The following PDE4B variants were observed in gnomAD, a reference collection of about 807,000 sequenced individuals.
PDE4B encodes 3',5'-cyclic-AMP phosphodiesterase 4B.
A neutral mutation model predicts 82.2 loss-of-function variants in PDE4B; 20 were observed. The ratio of observed to expected loss-of-function variants is 0.24; its 90% CI spans 0.17 to 0.35. The LOEUF (loss-of-function observed/expected upper bound fraction) is 0.35, where lower values mean the gene tolerates loss of function less well. Ranked by LOEUF, PDE4B falls within the 10% of genes least tolerant of loss-of-function variation. The probability of loss-of-function intolerance (pLI) is 1.00; values close to 1 mark genes in which losing one functional copy is unlikely to be tolerated. For missense variants in PDE4B, 655 were observed against 907.2 expected, an observed-to-expected ratio of 0.72 and a Z score of 3.57; for synonymous variants, 320 against 318.9, an observed-to-expected ratio of 1.00 and a Z score of -0.04.
chr1:66,124,665 C>T (rs553648743), intron 3 of PDE4B, among the ~76,000 whole-genome samples: 12 of 152,230 alleles, frequency 7.9e-5, no homozygotes, highest in African/African-American at 2.9e-4. Flanking sequence ...AGATAGAGCT[C>T]ACTGAAGGTA....
intron 3 of PDE4B, among the ~76,000 whole-genome samples, chr1:65,942,898 T>A (rs1051027426): frequency 2.0e-5 from 3 of 152,042 alleles, no homozygotes; most frequent in African/African-American, 7.2e-5. Context: ...TCCTTATATA[T>A]TTTGGCTATT....
chr1:65,973,124 A>C (rs1357545230), intron 3 of PDE4B, among the ~76,000 whole-genome samples: 1 of 152,152 alleles, frequency 6.6e-6, no homozygotes, highest in African/African-American at 2.4e-5. Flanking sequence ...ATTTCCATTG[A>C]TTGGGAAGAC....
rs201956732 is a variant in PDE4B at position 66,361,799 on chromosome 1, T to G, written c.1020+6T>G. Reference sequence around the variant, plus strand: ...ATGAAGATCACCTGGCCAAGGTGTGTATAAGCTCAGGTTTTGTGCATGTAG... The same window carrying G: ...ATGAAGATCACCTGGCCAAGGTGTGGATAAGCTCAGGTTTTGTGCATGTAG... On this transcript the variant is annotated splice_donor_region_variant and intron_variant, in intron 10 of 16. Transcript: ENST00000341517. 1.2e-6 allele frequency: 2 copies of G among 1,605,812 alleles called. No homozygotes were observed. Among genetic ancestry groups the G allele is most frequent in the East Asian group, 2.2e-5 (1 of 44,754 alleles).
intron 3 of PDE4B, among the ~76,000 whole-genome samples, chr1:66,072,941 TAAAC>T (rs1656228108): frequency 1.3e-5 from 2 of 151,452 alleles, no homozygotes; most frequent in South Asian, 2.1e-4. Context: ...GGAGGTGAAG[TAAAC>T]AAACAAAATT....
chr1:65,970,264 G>C (rs1052414422), intron 3 of PDE4B, among the ~76,000 whole-genome samples: 1 of 149,956 alleles, frequency 6.7e-6, no homozygotes, highest in South Asian at 2.1e-4. Flanking sequence ...AAGGTTGTAC[G>C]GTTCTATTCT....
intron 3 of PDE4B, among the ~76,000 whole-genome samples, chr1:66,036,893 G>T (rs765818388): frequency 6.6e-5 from 10 of 151,924 alleles, no homozygotes; most frequent in Non-Finnish European, 1.2e-4. Context: ...CCAACACTTT[G>T]GGGGGCCAAC....
intron 3 of PDE4B, among the ~76,000 whole-genome samples, chr1:65,942,658 G>A (rs1648507435): frequency 6.6e-6 from 1 of 151,980 alleles, no homozygotes; most frequent in South Asian, 2.1e-4. Context: ...CTGTAAAAGG[G>A]TTTCTTTTTC....
chr1:66,131,771 G>T (rs1645956287), intron 3 of PDE4B, among the ~76,000 whole-genome samples: 1 of 151,484 alleles, frequency 6.6e-6, no homozygotes, highest in Non-Finnish European at 1.5e-5. Flanking sequence ...ATAGAACAAT[G>T]AATGAGAAAC....
At chr1:66,040,047 C>G (rs987544650) in intron 3 of PDE4B, among the ~76,000 whole-genome samples, 3 of 151,948 alleles carry the variant, frequency 2.0e-5, no homozygotes, top group Non-Finnish European at 4.4e-5. Flanking sequence ...CAAACTGGAA[C>G]CTTCATGATG....
chr1:66,254,977 A>G (rs1654078845), intron 4 of PDE4B, among the ~76,000 whole-genome samples: 1 of 150,840 alleles, frequency 6.6e-6, no homozygotes, highest in Non-Finnish European at 1.5e-5. Context: ...ATCTCACTAA[A>G]AACCTTCCCT....
chr1:66,041,829 T>TACACACAC (rs58537930), intron 3 of PDE4B, among the ~76,000 whole-genome samples: 88 of 145,708 alleles, frequency 6.0e-4, no homozygotes, highest in Middle Eastern at 3.6e-3. Flanking sequence ...CACACACACA[T>TACACACAC]ACACACACAC....
At chr1:66,313,117 T>C (rs1432536033) in intron 7 of PDE4B, among the ~76,000 whole-genome samples, 1 of 152,234 alleles carries the variant, frequency 6.6e-6, no homozygotes, top group African/African-American at 2.4e-5. Flanking sequence ...CCAAGCACCA[T>C]AGAGTGTTAA....
Position 66,303,098 on chromosome 1 carries a change from T to G in PDE4B, c.635-29410T>G, listed in dbSNP as rs78164008. 2.2e-3 allele frequency among the ~76,000 whole-genome samples: 339 copies of G among 152,278 alleles called. 3 individuals are homozygous for G. Among genetic ancestry groups the G allele is most frequent in the African/African-American group, 7.7e-3 (321 of 41,570 alleles). On this transcript the variant is annotated intron_variant, in intron 7 of 16. Coordinates refer to ENST00000341517, the MANE Select transcript of PDE4B (RefSeq NM_002600.4). Reference sequence around the variant, plus strand: ...ACTAAGAATACTTATTCACGAGTCATTCATGAGTGGTTATTTTTTCACCAT... The same window carrying G: ...ACTAAGAATACTTATTCACGAGTCAGTCATGAGTGGTTATTTTTTCACCAT...
chr1:65,866,382 A>G (rs1646510361), intron 1 of PDE4B, among the ~76,000 whole-genome samples: 1 of 152,200 alleles, frequency 6.6e-6, no homozygotes, highest in African/African-American at 2.4e-5. Flanking sequence ...AATTGTCACT[A>G]ACACACTCAA....
At chr1:66,142,926 G>C (rs1386311630) in intron 3 of PDE4B, among the ~76,000 whole-genome samples, 1 of 152,194 alleles carries the variant, frequency 6.6e-6, no homozygotes, top group African/African-American at 2.4e-5. Flanking sequence ...CAGCATCAGA[G>C]AATGGGTGGG....
intron 3 of PDE4B, among the ~76,000 whole-genome samples, chr1:66,129,831 A>G (rs1415909794): frequency 6.6e-6 from 1 of 152,194 alleles, no homozygotes; most frequent in Non-Finnish European, 1.5e-5. Context: ...CATAAAAAGC[A>G]CTGTGATGCT....
chr1:66,202,802 A>G (rs964968319), intron 3 of PDE4B, among the ~76,000 whole-genome samples: 12 of 152,006 alleles, frequency 7.9e-5, no homozygotes, highest in African/African-American at 2.7e-4. Context: ...TCTTTATCCA[A>G]TTTGCCAGTC....
intron 3 of PDE4B, among the ~76,000 whole-genome samples, chr1:66,232,309 G>A (rs1266272581): frequency 2.6e-5 from 4 of 152,150 alleles, no homozygotes; most frequent in East Asian, 1.9e-4. Flanking sequence ...AGCTCTGTCC[G>A]GGCGCCTCTC....
intron 1 of PDE4B, among the ~76,000 whole-genome samples, chr1:65,887,149 C>T (rs1646787998): frequency 7.8e-6 from 1 of 128,326 alleles, no homozygotes; most frequent in Non-Finnish European, 1.6e-5. Context: ...TCCCTCCTTT[C>T]CTTTCCTTCC....
Sources: allele counts gnomAD v4.1 joint callset (sites outside exome capture counted in the v4.1 genomes callset), GRCh38; gene constraint gnomAD v4.1.1; transcripts MANE v1.5; gene names NCBI Gene and HGNC (gene_info 2026-07-23, HGNC 2026-07-21).